The following CACNB4 variants were observed in gnomAD, a reference collection of about 807,000 sequenced individuals.
CACNB4 encodes the protein voltage-dependent L-type calcium channel subunit beta-4.
A neutral mutation model predicts 71.2 loss-of-function variants in CACNB4; 32 were observed. The ratio of observed to expected loss-of-function variants is 0.45; its 90% CI spans 0.34 to 0.60. The LOEUF is 0.60. CACNB4 is among the 20% of genes least tolerant of loss of function. CACNB4 has a pLI of 0.01. For synonymous variants in CACNB4, 231 were observed against 236.9 expected (o/e 0.97, Z 0.23); for missense variants, 464 against 647.9 (o/e 0.72, Z 3.08).
At chr2:151,927,403 T>C (rs2099860525) in intron 2 of CACNB4, among the ~76,000 whole-genome samples, 1 of 152,140 alleles carries the variant, frequency 6.6e-6, no homozygotes, top group Admixed American at 6.5e-5. Flanking sequence ...GCAGAGAATA[T>C]GGGCAGAGCC....
At chr2:151,890,069 C>T (rs1425876739) in intron 2 of CACNB4, among the ~76,000 whole-genome samples, 1 of 152,084 alleles carries the variant, frequency 6.6e-6, no homozygotes, top group Non-Finnish European at 1.5e-5. Flanking sequence ...ATGCCTTAAT[C>T]CAGAGCGCTT....
chr2:151,872,433 T>A lies in CACNB4; in HGVS notation c.582A>T (p.Ala194=), dbSNP rs776968687. Residue 194 remains alanine (A), a synonymous_variant, in exon 6 of 14, where the codon GCA becomes GCT. Coordinates refer to ENST00000539935, the MANE Select transcript of CACNB4 (RefSeq NM_000726.5). ...LGEMVSGTFR[A]TPTSTAKQKQ... is the part of the protein sequence containing the mutation. ...AACCCTCACCTGTTGATGTGGGAGT[T>A]GCTCGGAATGTCCCAGATACCATTT... is the stretch of plus-strand genomic sequence containing the variant. The A allele has an allele frequency of 1.9e-6, 3 of 1,594,770 alleles. No homozygotes were observed. The highest frequency in any genetic ancestry group is 1.7e-4 in the Middle Eastern group (1 of 6,030).
At chr2:151,957,512 C>T (rs995480693) in intron 2 of CACNB4, among the ~76,000 whole-genome samples, 1 of 152,100 alleles carries the variant, frequency 6.6e-6, no homozygotes, top group African/African-American at 2.4e-5. Context: ...GACATTCATA[C>T]TTCAAAGTGC....
rs771793003 is a variant in CACNB4 at position 151,839,295 on chromosome 2, G to A, written c.1387C>T (p.His463Tyr). 3.7e-6 allele frequency: 6 copies of A among 1,613,580 alleles called. No homozygotes were observed. In the South Asian group the frequency reaches 5.5e-5, roughly 15 times the overall value. Residue 463 changes from histidine (H) to tyrosine (Y), a missense_variant, in exon 14 of 14, where the codon CAC (histidine) becomes TAC (tyrosine). Physicochemically the swap from His to Tyr is moderately conservative, Grantham distance 83. Transcript: ENST00000539935. The stretch of plus-strand genomic sequence containing the variant: ...CTACTCTTCCGAGCCCTTTCATTGT[G>A]ATAATTTTCATCAGAGGTCATTAGA... ...RSLMTSDENY[H>Y]NERARKSRNR... is the part of the protein sequence containing the mutation.
At chr2:151,855,398 G>C (rs749877185) in intron 10 of CACNB4, 23 bp from the exon 11 acceptor site, 2 of 1,543,400 alleles carry the variant, frequency 1.3e-6, no homozygotes, top group South Asian at 2.3e-5. Context: ...ATAATAAATA[G>C]ATCCCGGTTA....
chr2:151,894,454 T>C (rs1015518414), intron 2 of CACNB4, among the ~76,000 whole-genome samples: 11 of 152,304 alleles, frequency 7.2e-5, no homozygotes, highest in Middle Eastern at 3.4e-3. Context: ...ATAAAGCCCA[T>C]GTATGACAAA....
intron 2 of CACNB4, among the ~76,000 whole-genome samples, chr2:152,061,110 C>T (rs2105332092): frequency 6.6e-6 from 1 of 152,176 alleles, no homozygotes; most frequent in Middle Eastern, 3.4e-3. Context: ...GAGTTTGAGA[C>T]CAGCCTGGTC....
chr2:151,971,467 G>A, intron 2 of CACNB4: 1 of 702,272 alleles, frequency 1.4e-6, no homozygotes, highest in Non-Finnish European at 2.6e-6. Context: ...CTAGCCATCT[G>A]AGAAAAGCCT....
At chr2:151,952,968 A>G (rs202229198) in intron 2 of CACNB4, among the ~76,000 whole-genome samples, 1 of 152,222 alleles carries the variant, frequency 6.6e-6, no homozygotes, top group Non-Finnish European at 1.5e-5. Context: ...GAATAGATGA[A>G]TAAGTCAGAA....
intron 10 of CACNB4, 96 bp from the exon 11 acceptor site, chr2:151,855,471 T>C (rs2099840046): frequency 3.3e-6 from 3 of 915,234 alleles, no homozygotes; most frequent in Non-Finnish European, 4.7e-6. Context: ...TTGGTCTACA[T>C]TACAAAATAA....
intron 2 of CACNB4, among the ~76,000 whole-genome samples, chr2:151,933,557 C>T (rs1335384330): frequency 6.6e-6 from 1 of 152,084 alleles, no homozygotes; most frequent in Non-Finnish European, 1.5e-5. Context: ...CATTCAAGAT[C>T]ACACAACTAG....
At chr2:151,870,913 C>T (rs375379628) in intron 6 of CACNB4, 52 bp from the exon 7 acceptor site, 48 of 1,373,228 alleles carry the variant, frequency 3.5e-5, no homozygotes, top group Non-Finnish European at 4.7e-5. Context: ...CTGCAAATGA[C>T]AGTACATGAG....
chr2:152,050,767 CTTGT>C (rs569454899), intron 2 of CACNB4, among the ~76,000 whole-genome samples: 175 of 151,692 alleles, frequency 1.2e-3, no homozygotes, highest in Non-Finnish European at 1.6e-3. Context: ...GGTTTTTCTG[CTTGT>C]TTGTTTGTTT....
intron 2 of CACNB4, among the ~76,000 whole-genome samples, chr2:151,937,229 C>T (rs981916155): frequency 6.6e-6 from 1 of 152,200 alleles, no homozygotes; most frequent in African/African-American, 2.4e-5. Flanking sequence ...GCCAGGAAGG[C>T]TCTTCTCCTT....
chr2:151,994,146 T>C (rs1273572902), intron 2 of CACNB4, among the ~76,000 whole-genome samples: 1 of 151,796 alleles, frequency 6.6e-6, no homozygotes, highest in Non-Finnish European at 1.5e-5. Context: ...CACTCCAGCC[T>C]AAGTAAGAGA....
chr2:151,973,454 C>T, intron 2 of CACNB4: 1 of 574,868 alleles, frequency 1.7e-6, no homozygotes, highest in Admixed American at 3.0e-5. Context: ...TTTGCCATCA[C>T]CCTAATTTCT....
At chr2:151,898,090 T>C (rs1334601709) in intron 2 of CACNB4, among the ~76,000 whole-genome samples, 1 of 152,250 alleles carries the variant, frequency 6.6e-6, no homozygotes, top group Non-Finnish European at 1.5e-5. Context: ...ATGTTGGTTG[T>C]ATTCCTCCAT....
chr2:152,062,903 A>G (rs1266367107), intron 2 of CACNB4, among the ~76,000 whole-genome samples: 5 of 152,212 alleles, frequency 3.3e-5, no homozygotes, highest in African/African-American at 7.2e-5. Flanking sequence ...TGAAATTAGC[A>G]TATCAACTTT....
intron 2 of CACNB4, among the ~76,000 whole-genome samples, chr2:151,934,079 G>A (rs748616577): frequency 1.2e-4 from 19 of 152,076 alleles, no homozygotes; most frequent in Middle Eastern, 3.4e-3. Context: ...AAAGTTTTCC[G>A]GCCCTGAGGG....
Sources: allele counts gnomAD v4.1 joint callset (sites outside exome capture counted in the v4.1 genomes callset), GRCh38; gene constraint gnomAD v4.1.1; transcripts MANE v1.5; gene names NCBI Gene and HGNC (gene_info 2026-07-23, HGNC 2026-07-21).